Variants in ZC3H11A observed in about 807,000 individuals in gnomAD.
The protein encoded by ZC3H11A is zinc finger CCCH domain-containing protein 11A.
A neutral mutation model predicts 90.8 loss-of-function variants in ZC3H11A; 22 were observed. The observed-to-expected ratio is 0.24, with a 90% confidence interval of 0.17 to 0.35. ZC3H11A has a LOEUF of 0.35. Ranked by LOEUF, ZC3H11A falls within the 10% of genes least tolerant of loss-of-function variation. ZC3H11A has a pLI of 1.00. For missense variants in ZC3H11A, 701 were observed against 964.9 expected (o/e 0.73, Z 3.62); for synonymous variants, 294 against 339.8 (o/e 0.87, Z 1.48).
rs61827265 is a variant in ZC3H11A at position 203,820,487 on chromosome 1, T to C, written c.174+1798T>C. Among the ~76,000 whole-genome samples, 105 of 152,172 alleles carry C rather than the reference T, an allele frequency of 6.9e-4. 1 individual carries two copies. Among genetic ancestry groups the C allele is most frequent in the Admixed American group, 1.4e-3 (21 of 15,264 alleles). ...CAAATTATGTGTGTGTGTGTGTATA[T>C]TTTGAGTTGAGACAGAGTCTCGCGC... On this transcript the variant is annotated intron_variant, in intron 4 of 17. Coordinates refer to ENST00000367210, the MANE Select transcript of ZC3H11A (RefSeq NM_001376342.1).
chr1:203,830,426 C>A (rs1681869212), intron 8 of ZC3H11A, among the ~76,000 whole-genome samples: 1 of 152,168 alleles, frequency 6.6e-6, no homozygotes, highest in Non-Finnish European at 1.5e-5. Context: ...TCTGAAAGAA[C>A]TTGTATATCT....
At chr1:203,816,044 A>G (rs1676269363) in intron 2 of ZC3H11A, among the ~76,000 whole-genome samples, 1 of 152,188 alleles carries the variant, frequency 6.6e-6, no homozygotes, top group Non-Finnish European at 1.5e-5. Context: ...TCATTAACGT[A>G]AGCTAGATCG....
At chr1:203,824,808 G>A (rs774019503) in intron 4 of ZC3H11A, among the ~76,000 whole-genome samples, 1 of 152,116 alleles carries the variant, frequency 6.6e-6, no homozygotes, top group African/African-American at 2.4e-5. Flanking sequence ...GGCCGGACAC[G>A]GTGGCTCACG....
At chr1:203,796,435 T>TCC (rs1377260224) in intron 1 of ZC3H11A, 1 of 398,930 alleles carries the variant, frequency 2.5e-6, no homozygotes, top group Non-Finnish European at 4.4e-6. Flanking sequence ...CAGGGACACT[T>TCC]CCGTTCTCCT....
At chr1:203,844,074 C>G (rs1687221792) in intron 12 of ZC3H11A, among the ~76,000 whole-genome samples, 1 of 152,122 alleles carries the variant, frequency 6.6e-6, no homozygotes, top group Admixed American at 6.5e-5. Context: ...TCAGGCTGGT[C>G]TCGAACTCCC....
At chr1:203,838,313 A>G (rs1685005220) in intron 11 of ZC3H11A, among the ~76,000 whole-genome samples, 1 of 152,248 alleles carries the variant, frequency 6.6e-6, no homozygotes, top group Non-Finnish European at 1.5e-5. Flanking sequence ...TATAAATGCG[A>G]TAAATTTTGT....
At chr1:203,833,377 A>C (rs1401832195) in intron 9 of ZC3H11A, among the ~76,000 whole-genome samples, 3 of 148,274 alleles carry the variant, frequency 2.0e-5, no homozygotes, top group African/African-American at 4.9e-5. Flanking sequence ...AAAAAAAAAA[A>C]AAAAAAACAC....
intron 12 of ZC3H11A, among the ~76,000 whole-genome samples, chr1:203,840,673 G>A (rs1379083158): frequency 6.6e-6 from 1 of 150,720 alleles, no homozygotes; most frequent in Non-Finnish European, 1.5e-5. Flanking sequence ...TGCTCTTGTT[G>A]CCCAGGCTGG....
chr1:203,840,934 A>C (rs1168814272), intron 12 of ZC3H11A, among the ~76,000 whole-genome samples: 1 of 152,128 alleles, frequency 6.6e-6, no homozygotes, highest in Non-Finnish European at 1.5e-5. Flanking sequence ...GCACCCGGCT[A>C]AATAGTAGGA....
chr1:203,812,884 A>T (rs1479182009), intron 2 of ZC3H11A, among the ~76,000 whole-genome samples: 2 of 152,054 alleles, frequency 1.3e-5, no homozygotes, highest in Admixed American at 6.6e-5. Context: ...GCCCAAATGG[A>T]TTTTAGCCAT....
At chr1:203,824,565 CA>C (rs1679859453) in intron 4 of ZC3H11A, among the ~76,000 whole-genome samples, 1 of 152,194 alleles carries the variant, frequency 6.6e-6, no homozygotes, top group Non-Finnish European at 1.5e-5. Context: ...AGTCATCTGA[CA>C]TGTGTCACAT....
At chr1:203,800,811 T>A (rs1670337048) in intron 1 of ZC3H11A, 1 of 166,920 alleles carries the variant, frequency 6.0e-6, no homozygotes, top group Non-Finnish European at 1.3e-5. Flanking sequence ...ATGGGAAATT[T>A]TATTGCTCTG....
intron 16 of ZC3H11A, 94 bp from the exon 17 acceptor site, chr1:203,850,963 T>C: frequency 7.0e-7 from 1 of 1,425,518 alleles, no homozygotes; most frequent in South Asian, 1.2e-5. Context: ...TAAAGAATCA[T>C]AGCCACAATT....
intron 4 of ZC3H11A, among the ~76,000 whole-genome samples, chr1:203,823,971 T>TA (rs71281154): frequency 0.13 from 19,893 of 151,866 alleles, 1,482 homozygotes; most frequent in Non-Finnish European, 0.15. Context: ...CAAGGTGGGT[T>TA]AAAAAAGGAG....
chr1:203,840,340 C>T lies in ZC3H11A; in HGVS notation c.1008C>T (p.Gly336=). ...CCAAGTCTCTTAAGGAGCGATTAGG[C>T]ATGTCAGCTGATCCAGATAATGAGG... ...QVSKSLKERL[G]MSADPDNEDA... The change falls in exon 12 of 18, where the codon GGC becomes GGT. Residue 336 remains glycine (G), a synonymous_variant. Coordinates refer to ENST00000367210, the MANE Select transcript of ZC3H11A (RefSeq NM_001376342.1). The T allele has an allele frequency of 6.2e-7, 1 of 1,613,102 alleles. No individual in the cohort carries two copies. The highest frequency in any genetic ancestry group is 8.5e-7 in the Non-Finnish European group (1 of 1,179,366).
intron 16 of ZC3H11A, 95 bp downstream of exon 16, chr1:203,850,776 C>T (rs752008738): frequency 3.4e-5 from 50 of 1,480,736 alleles, no homozygotes; most frequent in Non-Finnish European, 4.4e-5. Flanking sequence ...GAGTATATCA[C>T]TTCCTGGCAT....
Position 203,853,661 on chromosome 1 carries a change from C to T in ZC3H11A, c.*1262C>T, listed in dbSNP as rs1689683121. ...TCTGACCCACCTGTCATGTTGGCTC[C>T]TAAGGAACTGCTGTTGTAAGCGGCT... On this transcript the variant is annotated 3_prime_UTR_variant, in exon 18 of 18. Transcript: ENST00000367210. 3 of 152,620 alleles carry T rather than the reference C, an allele frequency of 2.0e-5. No homozygotes were observed. The highest frequency in any genetic ancestry group is 7.2e-5 in the African/African-American group (3 of 41,432). The allele number at this position is 152,620 out of a possible 1,614,324, so 9.5% of individuals were successfully genotyped here. A position where few individuals can be genotyped will look rare whatever the true frequency, so the allele number is the denominator to read the frequency against.
intron 2 of ZC3H11A, among the ~76,000 whole-genome samples, chr1:203,804,150 G>GTTTTTTTTTTTTTTT (rs1209891980): frequency 7.6e-6 from 1 of 131,018 alleles, no homozygotes. Flanking sequence ...TCCTGTATAT[G>GTTTTTTTTTTTTTTT]TGTTTTTTTT....
chr1:203,806,012 A>G (rs1571944948), intron 2 of ZC3H11A: 1 of 556,058 alleles, frequency 1.8e-6, no homozygotes, highest in East Asian at 4.4e-5. Flanking sequence ...TTCATGTTGA[A>G]TGACTCTTGG....
Sources: allele counts gnomAD v4.1 joint callset (sites outside exome capture counted in the v4.1 genomes callset), GRCh38; gene constraint gnomAD v4.1.1; transcripts MANE v1.5; gene names NCBI Gene and HGNC (gene_info 2026-07-23, HGNC 2026-07-21).